The following TLL1 variants were observed in gnomAD, a reference collection of about 807,000 sequenced individuals.
TLL1 encodes the protein tolloid-like protein 1.
A neutral mutation model predicts 128.2 loss-of-function variants in TLL1; 49 were observed. The observed-to-expected ratio is 0.38, with a 90% CI of 0.30 to 0.48. TLL1 has a LOEUF of 0.48. TLL1 is among the 20% of genes least tolerant of loss of function. The probability of loss-of-function intolerance (pLI) is 0.96; values close to 1 mark genes in which losing one functional copy is unlikely to be tolerated. For synonymous variants in TLL1, 454 were observed against 418.8 expected (o/e 1.08, Z -1.03); for missense variants, 1,123 against 1,242.0 (o/e 0.90, Z 1.44).
intron 12 of TLL1, among the ~76,000 whole-genome samples, chr4:166,050,448 G>A (rs188834691): frequency 1.2e-3 from 184 of 151,986 alleles, no homozygotes; most frequent in African/African-American, 4.3e-3. Flanking sequence ...AATTCTTTGG[G>A]GTATTTACCC....
chr4:166,010,237 G>A (rs918165423), intron 7 of TLL1, among the ~76,000 whole-genome samples: 2 of 151,282 alleles, frequency 1.3e-5, no homozygotes, highest in Non-Finnish European at 3.0e-5. Flanking sequence ...GAGCATTTGT[G>A]TAGCTTCTGC....
chr4:165,923,815 C>T, intron 1 of TLL1, among the ~76,000 whole-genome samples: 1 of 152,194 alleles, frequency 6.6e-6, no homozygotes, highest in East Asian at 1.9e-4. Context: ...ATGTTTGTGG[C>T]AACCCTGTGC....
At chr4:165,902,116 G>A (rs944917651) in intron 1 of TLL1, among the ~76,000 whole-genome samples, 3 of 152,042 alleles carry the variant, frequency 2.0e-5, no homozygotes, top group Non-Finnish European at 2.9e-5. Context: ...AGCATCCCAG[G>A]TTGACTTTAG....
intron 9 of TLL1, among the ~76,000 whole-genome samples, chr4:166,034,054 A>T (rs1025167253): frequency 5.3e-5 from 8 of 152,092 alleles, no homozygotes; most frequent in Non-Finnish European, 2.9e-5. Flanking sequence ...CATTGCTTAA[A>T]TTTAGCAATT....
intron 8 of TLL1, among the ~76,000 whole-genome samples, chr4:166,023,320 A>C (rs1400508036): frequency 6.6e-6 from 1 of 152,142 alleles, no homozygotes; most frequent in African/African-American, 2.4e-5. Context: ...GAATCACTTG[A>C]ACCTGGGAGG....
intron 12 of TLL1, among the ~76,000 whole-genome samples, chr4:166,046,391 G>C (rs1739462547): frequency 6.6e-6 from 1 of 152,154 alleles, no homozygotes; most frequent in Non-Finnish European, 1.5e-5. Flanking sequence ...AGGATTTAAA[G>C]GTGCCTAATA....
chr4:166,090,950 T>A (rs1046761757), intron 18 of TLL1, among the ~76,000 whole-genome samples, 178 bp from the exon 19 acceptor site: 1 of 145,514 alleles, frequency 6.9e-6, no homozygotes, highest in Non-Finnish European at 1.5e-5. Context: ...TTCCTCATTG[T>A]GTCTTTTTAG....
intron 1 of TLL1, among the ~76,000 whole-genome samples, chr4:165,896,148 G>A (rs776462183): frequency 2.0e-4 from 31 of 152,016 alleles, no homozygotes; most frequent in Admixed American, 7.2e-4. Context: ...TGTTCTCATT[G>A]TTCAATTCCA....
chr4:165,960,647 G>T (rs946314369), intron 1 of TLL1, among the ~76,000 whole-genome samples: 3 of 152,104 alleles, frequency 2.0e-5, no homozygotes, highest in African/African-American at 7.2e-5. Context: ...TGGGATGCAA[G>T]GTTGTTTCGA....
At chr4:165,968,695 T>C (rs1735501533) in intron 1 of TLL1, among the ~76,000 whole-genome samples, 2 of 152,190 alleles carry the variant, frequency 1.3e-5, no homozygotes, top group Admixed American at 1.3e-4. Context: ...GTCATGTCAA[T>C]TTCTTTTAAA....
chr4:166,049,048 G>A (rs1739592426), intron 12 of TLL1, among the ~76,000 whole-genome samples: 1 of 152,134 alleles, frequency 6.6e-6, no homozygotes, highest in South Asian at 2.1e-4. Flanking sequence ...GAGATAAGGA[G>A]GTTTTAATTA....
intron 19 of TLL1, among the ~76,000 whole-genome samples, chr4:166,096,479 A>G (rs564976651): frequency 7.9e-5 from 12 of 152,190 alleles, no homozygotes; most frequent in African/African-American, 2.9e-4. Context: ...TAAAGCCTCT[A>G]TGAACTCATT....
chr4:166,067,865 G>C (rs554709658), intron 16 of TLL1, among the ~76,000 whole-genome samples: 97 of 151,824 alleles, frequency 6.4e-4, no homozygotes, highest in African/African-American at 2.3e-3. Flanking sequence ...AGTTAAGTAA[G>C]CTGCTCAGTG....
intron 1 of TLL1, among the ~76,000 whole-genome samples, chr4:165,898,742 T>C (rs1421329553): frequency 1.3e-5 from 2 of 152,234 alleles, no homozygotes; most frequent in East Asian, 1.9e-4. Flanking sequence ...ACTGGCCTCA[T>C]AAAATGAGTT....
At chr4:166,056,215 CA>C (rs1740000776) in intron 13 of TLL1, among the ~76,000 whole-genome samples, 1 of 152,052 alleles carries the variant, frequency 6.6e-6, no homozygotes, top group Middle Eastern at 3.4e-3. Flanking sequence ...ATAGAAGAAA[CA>C]TGCTATCAAG....
chr4:165,969,921 G>A (rs929279955), intron 1 of TLL1, among the ~76,000 whole-genome samples: 3 of 152,044 alleles, frequency 2.0e-5, no homozygotes, highest in East Asian at 3.9e-4. Flanking sequence ...CTCCCAGGTA[G>A]GGTCTTAATC....
At chr4:165,893,897 T>C (rs1731533898) in intron 1 of TLL1, among the ~76,000 whole-genome samples, 1 of 152,030 alleles carries the variant, frequency 6.6e-6, no homozygotes, top group African/African-American at 2.4e-5. Context: ...AGGATAAAAC[T>C]CAAAAAGACT....
At chr4:166,023,512 C>T (rs895110803) in intron 8 of TLL1, among the ~76,000 whole-genome samples, 1 of 152,042 alleles carries the variant, frequency 6.6e-6, no homozygotes, top group African/African-American at 2.4e-5. Context: ...GCTAATTTTC[C>T]TTTAGTTTTT....
At chr4:165,990,281 A>T (rs1391920800) in intron 2 of TLL1, among the ~76,000 whole-genome samples, 2 of 151,956 alleles carry the variant, frequency 1.3e-5, no homozygotes, top group African/African-American at 4.8e-5. Flanking sequence ...TTATATTAAT[A>T]GCTAAAATAT....
Sources: allele counts gnomAD v4.1 joint callset (sites outside exome capture counted in the v4.1 genomes callset), GRCh38; gene constraint gnomAD v4.1.1; transcripts MANE v1.5; gene names NCBI Gene and HGNC (gene_info 2026-07-23, HGNC 2026-07-21).